SHISA9: variants seen among roughly 807,000 people sequenced by gnomAD.
SHISA9 encodes shisa family member 9.
A neutral mutation model predicts 38.0 loss-of-function variants in SHISA9; 13 were observed. The ratio of observed to expected loss-of-function variants is 0.34; its 90% confidence interval spans 0.22 to 0.54. SHISA9 has a LOEUF of 0.54. SHISA9 is among the 20% of genes least tolerant of loss of function. The probability of loss-of-function intolerance (pLI) is 0.91; values close to 1 mark genes in which losing one functional copy is unlikely to be tolerated. For missense variants in SHISA9, 538 were observed against 575.8 expected, an observed-to-expected ratio of 0.93 and a Z score of 0.67; for synonymous variants, 275 against 242.0, an observed-to-expected ratio of 1.14 and a Z score of -1.27.
chr16:12,999,897 T>C (rs2072503133), intron 2 of SHISA9, among the ~76,000 whole-genome samples: 1 of 152,212 alleles, frequency 6.6e-6, no homozygotes, highest in African/African-American at 2.4e-5. Context: ...ACTAGTCACA[T>C]GGCCACACAG....
intron 2 of SHISA9, among the ~76,000 whole-genome samples, chr16:13,188,002 G>A (rs2142038015): frequency 6.6e-6 from 1 of 152,266 alleles, no homozygotes; most frequent in African/African-American, 2.4e-5. Flanking sequence ...AACCGTGGGG[G>A]AAGTGTGCTG....
intron 2 of SHISA9, among the ~76,000 whole-genome samples, chr16:12,942,894 A>G (rs2071629768): frequency 6.6e-6 from 1 of 152,184 alleles, no homozygotes; most frequent in Non-Finnish European, 1.5e-5. Flanking sequence ...AGGCACACGT[A>G]GGTCTCAACA....
intron 2 of SHISA9, among the ~76,000 whole-genome samples, chr16:12,959,363 A>G (rs2071878186): frequency 6.6e-6 from 1 of 152,208 alleles, no homozygotes; most frequent in Non-Finnish European, 1.5e-5. Flanking sequence ...ACTCACTGAG[A>G]AAACATTTGC....
At chr16:13,388,545 C>A in the SHISA9 span, among the ~76,000 whole-genome samples, 1 of 151,990 alleles carries the variant, frequency 6.6e-6, no homozygotes, top group Non-Finnish European at 1.5e-5. Context: ...TCAAGTGATC[C>A]ACCCATCTCG....
chr16:13,030,799 A>C (rs1042308414), intron 2 of SHISA9, among the ~76,000 whole-genome samples: 2 of 152,214 alleles, frequency 1.3e-5, no homozygotes, highest in Non-Finnish European at 2.9e-5. Context: ...TGGGCAGTCA[A>C]ATTCTACAAA....
At chr16:13,250,611 C>A in the SHISA9 span, among the ~76,000 whole-genome samples, 1 of 152,308 alleles carries the variant, frequency 6.6e-6, no homozygotes, top group East Asian at 1.9e-4. Context: ...CTTATCACCC[C>A]AACCCCATTG....
At chr16:13,070,993 C>T (rs2073506866) in intron 2 of SHISA9, among the ~76,000 whole-genome samples, 1 of 152,176 alleles carries the variant, frequency 6.6e-6, no homozygotes, top group African/African-American at 2.4e-5. Context: ...TGGTTCTTCT[C>T]TCTCTTGAGT....
chr16:12,913,130 C>T (rs761644600), intron 1 of SHISA9, among the ~76,000 whole-genome samples: 12 of 151,984 alleles, frequency 7.9e-5, no homozygotes, highest in Non-Finnish European at 1.3e-4. Flanking sequence ...GTATAGTGTG[C>T]GATTCAATGG....
the SHISA9 span, among the ~76,000 whole-genome samples, chr16:13,524,726 T>C: frequency 6.9e-6 from 1 of 144,352 alleles, no homozygotes; most frequent in Non-Finnish European, 1.5e-5. Flanking sequence ...GCCCAGCTAA[T>C]TTTTTAATTT....
the SHISA9 span, among the ~76,000 whole-genome samples, chr16:13,552,507 C>A: frequency 6.6e-6 from 1 of 151,422 alleles, no homozygotes; most frequent in African/African-American, 2.4e-5. Flanking sequence ...GTGGCAAGTG[C>A]TTTTGTTACC....
At chr16:13,396,282 G>A in the SHISA9 span, among the ~76,000 whole-genome samples, 6 of 152,160 alleles carry the variant, frequency 3.9e-5, no homozygotes, top group Non-Finnish European at 7.3e-5. Flanking sequence ...CGAGGCCGGC[G>A]GATCACTTGA....
At chr16:13,034,252 G>A (rs1353881926) in intron 2 of SHISA9, among the ~76,000 whole-genome samples, 2 of 152,142 alleles carry the variant, frequency 1.3e-5, no homozygotes, top group Non-Finnish European at 2.9e-5. Context: ...TAGTAGGATA[G>A]AGGGAAAGAT....
chr16:13,036,566 T>A (rs1197205459), intron 2 of SHISA9, among the ~76,000 whole-genome samples: 1 of 152,120 alleles, frequency 6.6e-6, no homozygotes, highest in East Asian at 1.9e-4. Flanking sequence ...CATTGGTGTA[T>A]AAATCTGTAA....
At chr16:13,493,155 A>C in the SHISA9 span, among the ~76,000 whole-genome samples, 1 of 152,006 alleles carries the variant, frequency 6.6e-6, no homozygotes, top group Non-Finnish European at 1.5e-5. Flanking sequence ...AACTGGATGA[A>C]TGAGCTGAGA....
At chr16:12,940,460 A>T (rs918068836) in intron 2 of SHISA9, among the ~76,000 whole-genome samples, 10 of 140,792 alleles carry the variant, frequency 7.1e-5, no homozygotes. Context: ...TCACCTCACT[A>T]TGTGCCTGCC....
At chr16:12,938,440 C>T (rs1286806480) in intron 2 of SHISA9, among the ~76,000 whole-genome samples, 2 of 152,172 alleles carry the variant, frequency 1.3e-5, no homozygotes, top group African/African-American at 4.8e-5. Context: ...GTGCTCAATT[C>T]TGTTCTCTCC....
chr16:13,141,218 C>T (rs569765848), intron 2 of SHISA9, among the ~76,000 whole-genome samples: 34 of 152,048 alleles, frequency 2.2e-4, no homozygotes, highest in Admixed American at 1.5e-3. Context: ...CTTTTTTCTA[C>T]GCAGGTTTTT....
chr16:13,445,968 G>C, the SHISA9 span, among the ~76,000 whole-genome samples: 2 of 151,908 alleles, frequency 1.3e-5, no homozygotes, highest in Non-Finnish European at 2.9e-5. Context: ...CTTTGAGACA[G>C]AGTCTCACTC....
At chr16:12,906,907 G>C (rs951098657) in intron 1 of SHISA9, among the ~76,000 whole-genome samples, 2 of 152,068 alleles carry the variant, frequency 1.3e-5, no homozygotes, top group African/African-American at 4.8e-5. Context: ...TCATCTAAGG[G>C]CAAAGGGCAA....
Sources: allele counts gnomAD v4.1 joint callset (sites outside exome capture counted in the v4.1 genomes callset), GRCh38; gene constraint gnomAD v4.1.1; transcripts MANE v1.5; gene names NCBI Gene and HGNC (gene_info 2026-07-23, HGNC 2026-07-21).